The following GRHPR variants were observed in gnomAD, a reference collection of about 807,000 sequenced individuals.
GRHPR encodes the protein glyoxylate reductase/hydroxypyruvate reductase.
A neutral mutation model predicts 36.8 loss-of-function variants in GRHPR; 35 were observed. That is an observed-to-expected ratio of 0.95 (90% CI 0.73 to 1.26). The LOEUF (loss-of-function observed/expected upper bound fraction) is 1.26. Among genes scored for constraint, GRHPR ranks in the 50% most tolerant of loss-of-function variants. GRHPR has a pLI of 0.00. For missense variants in GRHPR, 380 were observed against 435.0 expected (o/e 0.87, Z 1.12); for synonymous variants, 179 against 181.0 (o/e 0.99, Z 0.09).
chr9:37,429,501 C>T, intron 5 of GRHPR: 1 of 594,926 alleles, frequency 1.7e-6, no homozygotes, highest in Non-Finnish European at 3.1e-6. Flanking sequence ...CAGTCACAGC[C>T]TCAGGGGAGC....
At position 37,426,599 on chromosome 9, in the gene GRHPR, T is replaced by C; in HGVS notation, c.349T>C (p.Ser117Pro). The part of the protein sequence containing the change: ...LTDTTAELAV[S>P]LLLTTCRRLP... ...AGATACCACCGCCGAACTCGCAGTC[T>C]CCCTGCTACTTACCACCTGCCGCCG... The change falls in exon 4 of 9, where the codon TCC (serine) becomes CCC (proline). Residue 117 changes from serine to proline, a missense_variant. Transcript: ENST00000318158. The C allele has an allele frequency of 2.5e-6, 4 of 1,613,950 alleles. No individual in the cohort carries two copies. The highest frequency in any genetic ancestry group is 1.1e-5 in the South Asian group (1 of 91,086).
intron 6 of GRHPR, chr9:37,430,229 C>T (rs867964164): frequency 3.2e-5 from 18 of 561,896 alleles, no homozygotes; most frequent in Admixed American, 2.1e-4. Flanking sequence ...CAGCACCTGG[C>T]GGGTCCACAG....
intron 8 of GRHPR, chr9:37,432,555 A>G (rs1022939787): frequency 1.1e-5 from 3 of 261,648 alleles, no homozygotes; most frequent in African/African-American, 2.2e-5. Context: ...GTGCATGCCT[A>G]TAGTCCCAGC....
At chr9:37,430,230 G>A (rs555406766) in intron 6 of GRHPR, 15 of 564,020 alleles carry the variant, frequency 2.7e-5, no homozygotes, top group South Asian at 1.9e-4. Flanking sequence ...AGCACCTGGC[G>A]GGTCCACAGC....
In GRHPR at chr9:37,433,246, T is replaced by G. The variant is rs866702817; in HGVS notation, c.865+1108T>G. Among the ~76,000 whole-genome samples, 1,395 of 150,330 alleles carry G rather than the reference T, an allele frequency of 9.3e-3. 19 individuals are homozygous for G. Among genetic ancestry groups the G allele is most frequent in the African/African-American group, 0.032 (1,311 of 40,806 alleles). On this transcript the variant is annotated intron_variant, in intron 8 of 8. Coordinates refer to ENST00000318158, the MANE Select transcript of GRHPR (RefSeq NM_012203.2). ...TTCTCACATTTTTTTTTTTTTTTTT[T>G]TTTTTGAGACAGAGTCTCGCTCTGT...
chr9:37,430,224 C>T (rs188672035), intron 6 of GRHPR: 1 of 560,638 alleles, frequency 1.8e-6, no homozygotes, highest in East Asian at 3.2e-5. Flanking sequence ...GGATCCAGCA[C>T]CTGGCGGGTC....
intron 4 of GRHPR, chr9:37,428,264 C>T (rs1823178783): frequency 1.7e-6 from 1 of 600,612 alleles, no homozygotes; most frequent in Non-Finnish European, 3.0e-6. Context: ...CCAGTAAGGC[C>T]CCTTCCCGCC....
intron 6 of GRHPR, chr9:37,430,153 CT>C (rs1436304661): frequency 1.7e-5 from 9 of 529,084 alleles, no homozygotes; most frequent in African/African-American, 1.1e-4. Context: ...CTTTCACTGT[CT>C]TTTCCTTCAT....
chr9:37,424,717 C>T, intron 1 of GRHPR, 128 bp from the exon 2 acceptor site: 2 of 1,089,044 alleles, frequency 1.8e-6, no homozygotes, highest in African/African-American at 1.5e-5. Flanking sequence ...CCTGCCTGAC[C>T]CTGCCTCCCC....
In GRHPR at chr9:37,432,026, G is replaced by A; in HGVS notation, c.753G>A (p.Gln251=). Residue 251 remains glutamine (Q), a synonymous_variant, in exon 8 of 9, where the codon CAG becomes CAA. Transcript: ENST00000318158. Reference sequence around the variant, plus strand: ...TTCCCAGGGGCGACGTCGTAAACCAGGACGACCTGTACCAGGCCTTGGCCA... The same window carrying A: ...TTCCCAGGGGCGACGTCGTAAACCAAGACGACCTGTACCAGGCCTTGGCCA... The part of the protein sequence containing the change: ...INISRGDVVN[Q]DDLYQALASG... The A allele has an allele frequency of 1.2e-6, 2 of 1,614,154 alleles. No individual in the cohort carries two copies. Among genetic ancestry groups the A allele is most frequent in the Non-Finnish European group, 8.5e-7 (1 of 1,179,978 alleles).
intron 4 of GRHPR, among the ~76,000 whole-genome samples, chr9:37,427,126 G>A (rs762066639): frequency 1.8e-4 from 28 of 152,226 alleles, no homozygotes; most frequent in Non-Finnish European, 4.0e-4. Flanking sequence ...AGGGCAGAAA[G>A]GGAAGTGGTG....
At chr9:37,422,667 C>T (rs1052587996), upstream of GRHPR, 8 of 1,145,150 alleles carry the variant, frequency 7.0e-6, no homozygotes, top group Middle Eastern at 2.8e-4. Flanking sequence ...CTCCCGCCCA[C>T]TCCAGCCTGG....
downstream of GRHPR, chr9:37,438,738 GCCT>G (rs1269611644): frequency 6.6e-6 from 1 of 152,246 alleles, no homozygotes; most frequent in Non-Finnish European, 1.5e-5. Context: ...TGGATGGGGA[GCCT>G]CCTAACACCA....
Position 37,430,530 on chromosome 9 carries a change from T to G in GRHPR, c.618T>G (p.Ala206=). Residue 206 remains alanine (A), a synonymous_variant, in exon 7 of 9, where the codon GCT becomes GCG. Coordinates refer to ENST00000318158, the MANE Select transcript of GRHPR (RefSeq NM_012203.2). ...CCTCAGTGTCTACCCCTGAGCTGGC[T>G]GCCCAATCTGATTTCATCGTCGTGG... ...QAEFVSTPEL[A]AQSDFIVVAC... is the part of the protein sequence containing the mutation. 6.2e-7 allele frequency: 1 copy of G among 1,613,994 alleles called. No individual in the cohort carries two copies. Among genetic ancestry groups the G allele is most frequent in the Non-Finnish European group, 8.5e-7 (1 of 1,179,820 alleles).
At chr9:37,423,003 C>T (rs1337710617) in intron 1 of GRHPR, among the ~76,000 whole-genome samples, 170 bp downstream of exon 1, 3 of 152,142 alleles carry the variant, frequency 2.0e-5, no homozygotes, top group Non-Finnish European at 4.4e-5. Context: ...CTGGGACCTG[C>T]AGTTCCGGCT....
chr9:37,429,017 C>T (rs1379761638), intron 5 of GRHPR: 1 of 323,590 alleles, frequency 3.1e-6, no homozygotes, highest in East Asian at 7.8e-5. Context: ...GGCAGAGACA[C>T]TTTTCTTCCA....
intron 7 of GRHPR, 80 bp from the exon 8 acceptor site, chr9:37,431,928 A>G: frequency 1.3e-6 from 2 of 1,494,758 alleles, no homozygotes; most frequent in Non-Finnish European, 9.3e-7. Context: ...GGAAAAATTC[A>G]TTCTGTAGGT....
At position 37,436,940 on chromosome 9, in the gene GRHPR, C is replaced by T; in HGVS notation, c.*158C>T. 1.3e-6 allele frequency: 1 copy of T among 771,930 alleles called. No individual in the cohort carries two copies. The highest frequency in any genetic ancestry group is 2.2e-6 in the Non-Finnish European group (1 of 450,754). 47.8% of individuals were successfully genotyped at this position (771,930 alleles called of 1,614,324 possible). ...ATGTACTTGTCACATTGGTGTTGGACACATTTGCGCCAAAAGTATGGTAAT... is the reference window on the plus strand; with the variant it reads ...ATGTACTTGTCACATTGGTGTTGGATACATTTGCGCCAAAAGTATGGTAAT... On this transcript the variant is annotated 3_prime_UTR_variant, in exon 9 of 9. Coordinates refer to ENST00000318158, the MANE Select transcript of GRHPR (RefSeq NM_012203.2).
upstream of GRHPR, chr9:37,422,687 G>A: frequency 7.6e-7 from 1 of 1,314,846 alleles, no homozygotes; most frequent in Non-Finnish European, 1.1e-6. Flanking sequence ...GCCCCGCCCC[G>A]GCCCAGCTAC....
Sources: gnomAD v4.1 joint callset for allele counts (sites outside exome capture counted in the v4.1 genomes callset) on GRCh38, gnomAD v4.1.1 for gene constraint, MANE v1.5 for transcripts, NCBI Gene and HGNC (gene_info 2026-07-23, HGNC 2026-07-21) for gene names.